RAB8B: variants seen among roughly 807,000 people sequenced by gnomAD.
RAB8B encodes the protein RAB8B, member RAS oncogene family.
In RAB8B, 11 loss-of-function variants were observed where a neutral mutation model predicts 32.0. The ratio of observed to expected loss-of-function variants is 0.34; its 90% CI spans 0.22 to 0.57. The LOEUF is 0.57. RAB8B is among the 20% of genes least tolerant of loss of function. The pLI, the probability that RAB8B is intolerant of heterozygous loss-of-function variation, is 0.86. For missense variants in RAB8B, 190 were observed against 258.5 expected (o/e 0.73, Z 1.82); for synonymous variants, 103 against 89.6 (o/e 1.15, Z -0.85).
intron 2 of RAB8B, among the ~76,000 whole-genome samples, chr15:63,247,369 G>A (rs930179145): frequency 9.9e-5 from 15 of 152,204 alleles, no homozygotes; most frequent in African/African-American, 3.6e-4. Flanking sequence ...AATATGCAAG[G>A]CAAAGATCTT....
chr15:63,207,766 A>G (rs998552488), intron 1 of RAB8B, among the ~76,000 whole-genome samples: 1 of 151,980 alleles, frequency 6.6e-6, no homozygotes, highest in African/African-American at 2.4e-5. Context: ...GGGTTTCACC[A>G]TGTTGGCCAG....
At chr15:63,246,017 C>T (rs2038068966) in intron 2 of RAB8B, among the ~76,000 whole-genome samples, 1 of 152,144 alleles carries the variant, frequency 6.6e-6, no homozygotes, top group Admixed American at 6.5e-5. Context: ...GGATTACAGG[C>T]ATGCGCTACC....
intron 1 of RAB8B, among the ~76,000 whole-genome samples, chr15:63,203,373 C>T (rs2037668786): frequency 2.6e-5 from 4 of 152,206 alleles, no homozygotes; most frequent in Admixed American, 6.5e-5. Context: ...GCAAATTATT[C>T]AGTCATTTTC....
chr15:63,221,019 G>GGT (rs1410389194), intron 1 of RAB8B, among the ~76,000 whole-genome samples: 1 of 152,146 alleles, frequency 6.6e-6, no homozygotes, highest in Non-Finnish European at 1.5e-5. Context: ...AGGAGTTTAG[G>GGT]GTAGAGAGTG....
At chr15:63,223,684 A>G (rs1274809243) in intron 1 of RAB8B, among the ~76,000 whole-genome samples, 1 of 152,186 alleles carries the variant, frequency 6.6e-6, no homozygotes, top group Non-Finnish European at 1.5e-5. Context: ...ATACTTGAAG[A>G]CACACGACTG....
At chr15:63,232,265 T>C (rs1301736693) in intron 1 of RAB8B, among the ~76,000 whole-genome samples, 1 of 152,228 alleles carries the variant, frequency 6.6e-6, no homozygotes, top group Non-Finnish European at 1.5e-5. Flanking sequence ...CCCAGAGATA[T>C]ATTAAGGGTT....
chr15:63,229,540 G>C (rs571303020), intron 1 of RAB8B, among the ~76,000 whole-genome samples: 1 of 152,238 alleles, frequency 6.6e-6, no homozygotes, highest in African/African-American at 2.4e-5. Context: ...CCAGCACTTT[G>C]GGAGACCAAG....
At chr15:63,208,256 T>C (rs142717175) in intron 1 of RAB8B, among the ~76,000 whole-genome samples, 19 of 152,350 alleles carry the variant, frequency 1.2e-4, no homozygotes, top group Non-Finnish European at 2.2e-4. Context: ...CTGGGTGGAC[T>C]GTGGCCACAT....
chr15:63,235,897 G>A (rs976058980), intron 1 of RAB8B, among the ~76,000 whole-genome samples: 7 of 152,024 alleles, frequency 4.6e-5, no homozygotes, highest in South Asian at 2.1e-4. Flanking sequence ...GTTGGTGGAC[G>A]TTTAAGTTGT....
chr15:63,209,901 G>A (rs2037733485), intron 1 of RAB8B, among the ~76,000 whole-genome samples: 1 of 150,722 alleles, frequency 6.6e-6, no homozygotes, highest in African/African-American at 2.4e-5. Context: ...GCCTCCCCTT[G>A]CCCCCCACTC....
At chr15:63,202,089 T>TAAAA (rs146981058) in intron 1 of RAB8B, among the ~76,000 whole-genome samples, 14 of 85,748 alleles carry the variant, frequency 1.6e-4, no homozygotes, top group Non-Finnish European at 2.2e-4. Context: ...CCGTCTCTAC[T>TAAAA]AAAAAAAAAA....
chr15:63,262,563 C>G (rs2038211115), intron 6 of RAB8B, 129 bp from the exon 7 acceptor site: 1 of 266,310 alleles, frequency 3.8e-6, no homozygotes, highest in Non-Finnish European at 6.9e-6. Context: ...CCCAGGAGTT[C>G]CAATTCAGCC....
At position 63,258,998 on chromosome 15, in the gene RAB8B, T is replaced by G. The variant is rs569805954; in HGVS notation, c.415-629T>G. Reference sequence around the variant, plus strand: ...CTAGGAAGTCAATGTGAATTGGCCTTAGGTTCCCTGCCTCCAGACCCTATT... The same window carrying G: ...CTAGGAAGTCAATGTGAATTGGCCTGAGGTTCCCTGCCTCCAGACCCTATT... On this transcript the variant is annotated intron_variant, in intron 5 of 7. Coordinates refer to ENST00000321437, the MANE Select transcript of RAB8B (RefSeq NM_016530.3). 1.7e-3 allele frequency among the ~76,000 whole-genome samples: 262 copies of G among 152,256 alleles called. 1 individual carries two copies. The highest frequency in any genetic ancestry group is 5.4e-3 in the African/African-American group (226 of 41,554).
Position 63,248,098 on chromosome 15 carries a change from G to A in RAB8B, c.186-1547G>A, listed in dbSNP as rs1276429397. ...CATTTCCCCATGATTTGTTAGCGGT[G>A]CAGCAAACAAGTGCCCCATGCATCT... On this transcript the variant is annotated intron_variant, in intron 2 of 7. Coordinates refer to ENST00000321437, the MANE Select transcript of RAB8B (RefSeq NM_016530.3). The surrounding 1 kb of genome is among the most constrained non-coding windows in gnomAD (Gnocchi z 4.4). Among the ~76,000 whole-genome samples the A allele has an allele frequency of 6.6e-6, 1 of 152,170 alleles. No individual in the cohort carries two copies. Among genetic ancestry groups the A allele is most frequent in the East Asian group, 1.9e-4 (1 of 5,204 alleles).
chr15:63,208,893 AT>A (rs58629991), intron 1 of RAB8B, among the ~76,000 whole-genome samples: 49,031 of 133,332 alleles, frequency 0.37, 9,087 homozygotes, highest in Non-Finnish European at 0.48. Context: ...TCCCACGATA[AT>A]TTTTTTTTTT....
intron 1 of RAB8B, among the ~76,000 whole-genome samples, chr15:63,219,004 ATTTTTTTTTTTTT>A (rs71131152): frequency 4.4e-4 from 42 of 94,672 alleles, no homozygotes; most frequent in East Asian, 3.8e-4. Context: ...CCAGCAGTGG[ATTTTTTTTTTTTT>A]TTTTTTTTTT....
At chr15:63,225,044 T>TATCCCAGG (rs2037877446) in intron 1 of RAB8B, among the ~76,000 whole-genome samples, 1 of 152,252 alleles carries the variant, frequency 6.6e-6, no homozygotes, top group Non-Finnish European at 1.5e-5. Flanking sequence ...GGATATTTCC[T>TATCCCAGG]ATAGTTCTAC....
intron 1 of RAB8B, among the ~76,000 whole-genome samples, chr15:63,190,721 C>G (rs1232294398): frequency 6.6e-6 from 1 of 152,152 alleles, no homozygotes; most frequent in Non-Finnish European, 1.5e-5. Context: ...ATATGGTTCA[C>G]CTCTTTACTA....
intron 1 of RAB8B, among the ~76,000 whole-genome samples, chr15:63,196,824 G>A (rs928067347): frequency 5.3e-5 from 8 of 152,140 alleles, no homozygotes; most frequent in African/African-American, 1.9e-4. Context: ...TGAAAGGTTT[G>A]TTTTAGAATA....
Sources: gnomAD v4.1 joint callset for allele counts (sites outside exome capture counted in the v4.1 genomes callset) on GRCh38, gnomAD v4.1.1 for gene constraint, Gnocchi (gnomAD v3.1) non-coding constraint, MANE v1.5 for transcripts, NCBI Gene and HGNC (gene_info 2026-07-23, HGNC 2026-07-21) for gene names.